Variants in PKN3 observed in about 807,000 individuals in gnomAD.
PKN3 encodes the protein serine/threonine-protein kinase N3.
PKN3 carries 91 observed loss-of-function variants against 113.1 expected under a neutral mutation model. That is an observed-to-expected ratio of 0.80 (90% CI 0.68 to 0.96). The LOEUF is 0.96. Ranked by LOEUF, PKN3 falls within the 40% of genes least tolerant of loss-of-function variation. PKN3 has a pLI of 0.00. For missense variants in PKN3, 1,052 were observed against 1,202.2 expected (o/e 0.88, Z 1.85); for synonymous variants, 467 against 499.0 (o/e 0.94, Z 0.85).
At chr9:128,717,720 T>TAAA (rs568178531) in intron 16 of PKN3, among the ~76,000 whole-genome samples, 35 of 99,312 alleles carry the variant, frequency 3.5e-4, no homozygotes, top group African/African-American at 1.3e-3. Flanking sequence ...AGACTCCATC[T>TAAA]AAAAAAAAAA....
At position 128,720,070 on chromosome 9, in the gene PKN3, G is replaced by A; in HGVS notation, c.2376+53G>A. 3 of 1,550,690 alleles carry A rather than the reference G, an allele frequency of 1.9e-6. No homozygotes were observed. The highest frequency in any genetic ancestry group is 2.7e-6 in the Non-Finnish European group (3 of 1,122,980). ...CTGGATGGCCGCTCAAGGCCCATGT[G>A]CCCTCTGCCGTGGGACAGCAGACCC... On this transcript the variant is annotated intron_variant, in intron 20 of 21. Transcript: ENST00000291906. The surrounding 1 kb of genome is among the most constrained non-coding windows in gnomAD (Gnocchi z 5.5).
At chr9:128,711,637 C>T (rs548067650) in intron 6 of PKN3, among the ~76,000 whole-genome samples, 202 of 146,258 alleles carry the variant, frequency 1.4e-3, no homozygotes, top group Admixed American at 2.8e-3. Context: ...CTTGCTTTGT[C>T]GCCCAGGCTG....
chr9:128,707,508 C>G (rs1439452408), intron 6 of PKN3, 103 bp downstream of exon 6: 1 of 944,714 alleles, frequency 1.1e-6, no homozygotes, highest in East Asian at 2.6e-5. Flanking sequence ...AGTCCTGCCC[C>G]AGCACCCACT....
intron 3 of PKN3, among the ~76,000 whole-genome samples, 186 bp from the exon 4 acceptor site, chr9:128,706,527 G>A (rs1862023750): frequency 6.6e-6 from 1 of 151,492 alleles, no homozygotes; most frequent in African/African-American, 2.4e-5. Context: ...AGCCCTTGTT[G>A]GTCAGATGGA....
In PKN3 at chr9:128,714,896, G is replaced by C. The variant is rs532824875; in HGVS notation, c.1652+31G>C. 52 of 1,594,798 alleles carry C rather than the reference G, an allele frequency of 3.3e-5. No homozygotes were observed. The Admixed American group carries it at 8.2e-4, about 25-fold the overall frequency. ...CCATCCTGCGCACCTTCATGTTTGA[G>C]ACGTTCGTCTGCTTGCTTGAACATT... On this transcript the variant is annotated intron_variant, in intron 13 of 21. Transcript: ENST00000291906.
chr9:128,720,880 A>G lies in PKN3; in HGVS notation c.*274A>G, dbSNP rs528140930. On this transcript the variant is annotated 3_prime_UTR_variant, in exon 22 of 22. Coordinates refer to ENST00000291906, the MANE Select transcript of PKN3 (RefSeq NM_013355.5). This position sits in a 1 kb window ranked among gnomAD's most constrained non-coding sequence, Gnocchi z 5.5. Reference sequence around the variant, plus strand: ...AAGGAGTGATATGGTTTGTCTTTTTAAGACTGGACTTGCTTTATATTAAAT... The same window carrying G: ...AAGGAGTGATATGGTTTGTCTTTTTGAGACTGGACTTGCTTTATATTAAAT... 129 of 574,780 alleles carry G rather than the reference A, an allele frequency of 2.2e-4. No individual in the cohort carries two copies. The highest frequency in any genetic ancestry group is 5.1e-4 in the Admixed American group (16 of 31,086). The allele number at this position is 574,780 out of a possible 1,614,324, so 35.6% of individuals were successfully genotyped here.
chr9:128,704,225 G>A lies in PKN3; in HGVS notation c.25-1078G>A, dbSNP rs79526391. ...GCACCGGTTGGTTTGAAATGCTGGC[G>A]GCTGGAAAGGAGGTGTTCCTGTTCC... is the stretch of plus-strand genomic sequence containing the variant. On this transcript the variant is annotated intron_variant, in intron 1 of 21. Transcript: ENST00000291906. 2.0e-4 allele frequency: 166 copies of A among 828,448 alleles called. 2 individuals are homozygous for A. In the East Asian group the frequency reaches 0.016, roughly 78 times the overall value. 51.3% of individuals were successfully genotyped at this position (828,448 alleles called of 1,614,324 possible).
chr9:128,704,925 A>G (rs1483763586), intron 1 of PKN3, among the ~76,000 whole-genome samples: 1 of 152,000 alleles, frequency 6.6e-6, no homozygotes, highest in Non-Finnish European at 1.5e-5. Flanking sequence ...TCAAAAAAAA[A>G]AAAAAGAAAA....
chr9:128,717,113 G>GTTTTTTTTTTTTTTTTTTTTTTTTTTT (rs1554781180), intron 16 of PKN3, among the ~76,000 whole-genome samples, 190 bp downstream of exon 16: 1 of 14,442 alleles, frequency 6.9e-5, no homozygotes, highest in African/African-American at 2.0e-4. Flanking sequence ...TGTGCATTAG[G>GTTTTTTTTTTTTTTTTTTTTTTTTTTT]TTTCTTTTTT....
intron 1 of PKN3, 66 bp from the exon 2 acceptor site, chr9:128,705,237 A>C (rs770828501): frequency 1.3e-6 from 2 of 1,538,348 alleles, no homozygotes; most frequent in Non-Finnish European, 1.7e-6. Context: ...GCAGTGAGCA[A>C]AGGCTGCTGG....
At chr9:128,705,584 A>T (rs1338534294) in intron 2 of PKN3, 41 bp downstream of exon 2, 1 of 1,548,634 alleles carries the variant, frequency 6.5e-7, no homozygotes. Flanking sequence ...AGAAGGCTCT[A>T]GGCCCATCTG....
rs1454707636 is a variant in PKN3, at chr9:128,702,794, C to G, written c.-122C>G. 12 of 742,074 alleles carry G rather than the reference C, an allele frequency of 1.6e-5. No homozygotes were observed. Among genetic ancestry groups the G allele is most frequent in the African/African-American group, 1.5e-4 (8 of 53,900 alleles). The allele number at this position is 742,074 out of a possible 1,614,324, so 46.0% of individuals were successfully genotyped here. On this transcript the variant is annotated 5_prime_UTR_variant, in exon 1 of 22. Coordinates refer to ENST00000291906, the MANE Select transcript of PKN3 (RefSeq NM_013355.5). ...CCAGCGGGTCTCGGGAGGGGGCGCC[C>G]GATCCCGCGTCTCCGGCGCCGCTTC...
At position 128,715,518 on chromosome 9, in the gene PKN3, G is replaced by A; in HGVS notation, c.1808+58G>A. 2 of 1,374,536 alleles carry A rather than the reference G, an allele frequency of 1.5e-6. No individual in the cohort carries two copies. 85.1% of individuals were successfully genotyped at this position (1,374,536 alleles called of 1,614,324 possible). ...GCTGGCCTGGGCTGTGGCATCCAGAGGGCAGTTGAAGGTTCCTGGGGCTTT... is the reference window on the plus strand; with the variant it reads ...GCTGGCCTGGGCTGTGGCATCCAGAAGGCAGTTGAAGGTTCCTGGGGCTTT... On this transcript the variant is annotated intron_variant, in intron 15 of 21. Coordinates refer to ENST00000291906, the MANE Select transcript of PKN3 (RefSeq NM_013355.5). This position sits in a 1 kb window ranked among gnomAD's most constrained non-coding sequence, Gnocchi z 4.1.
At chr9:128,703,370 G>A in intron 1 of PKN3, 1 of 985,366 alleles carries the variant, frequency 1.0e-6, no homozygotes, top group Non-Finnish European at 1.2e-6. Flanking sequence ...GTCTGTGCGC[G>A]CTTGGCAGTG....
At position 128,702,900 on chromosome 9, in the gene PKN3, C is replaced by G; in HGVS notation, c.-16C>G. On this transcript the variant is annotated 5_prime_UTR_variant, in exon 1 of 22. Transcript: ENST00000291906. ...GAGTGGCTGAGAGAAGGGCCCCAAG[C>G]GGCCGGAGCGGCGCCATGGAGGAGG... The G allele has an allele frequency of 6.7e-7, 1 of 1,483,222 alleles. No homozygotes were observed. The highest frequency in any genetic ancestry group is 8.9e-7 in the Non-Finnish European group (1 of 1,118,310). 91.9% of individuals were successfully genotyped at this position (1,483,222 alleles called of 1,614,324 possible).
intron 16 of PKN3, among the ~76,000 whole-genome samples, chr9:128,717,190 A>G (rs1295522496): frequency 1.6e-5 from 2 of 122,714 alleles, no homozygotes; most frequent in Non-Finnish European, 3.2e-5. Context: ...GTGCAATGGC[A>G]TGATCTCGGC....
chr9:128,720,335 T>C lies in PKN3; in HGVS notation c.2457+52T>C, dbSNP rs1436278838. 4 of 1,610,822 alleles carry C rather than the reference T, an allele frequency of 2.5e-6. No homozygotes were observed. Among genetic ancestry groups the C allele is most frequent in the Non-Finnish European group, 3.4e-6 (4 of 1,177,816 alleles). ...CCTGTGCCTGGCAGGGTAGGTGGCA[T>C]GGAGTGACTCCTGGAGCTGCTGTTC... On this transcript the variant is annotated intron_variant, in intron 21 of 21. Coordinates refer to ENST00000291906, the MANE Select transcript of PKN3 (RefSeq NM_013355.5). The surrounding 1 kb of genome is among the most constrained non-coding windows in gnomAD (Gnocchi z 5.5).
rs1861889764 is a variant in PKN3 at position 128,702,716 on chromosome 9, GGGGTCCCGGGCGCTGGATCGGCGCGGAC to G, written c.-196_-169del. On this transcript the variant is annotated 5_prime_UTR_variant, in exon 1 of 22. It removes the in-frame stop codon of an upstream open reading frame in the 5' UTR. Transcript: ENST00000291906. Reference sequence around the variant, plus strand: ...CGCTGGGGCGCGGGACCTCGGGCGTGGGGTCCCGGGCGCTGGATCGGCGCGGACGGGAGGCGGCGCTGGTCCCGCGGGC... The same window carrying G: ...CGCTGGGGCGCGGGACCTCGGGCGTGGGGAGGCGGCGCTGGTCCCGCGGGC... 1 of 485,562 alleles carries G rather than the reference GGGGTCCCGGGCGCTGGATCGGCGCGGAC, an allele frequency of 2.1e-6. No homozygotes were observed. Among genetic ancestry groups the G allele is most frequent in the African/African-American group, 2.1e-5 (1 of 48,490 alleles). 30.1% of individuals were successfully genotyped at this position (485,562 alleles called of 1,614,324 possible).
In PKN3 at chr9:128,718,610, G is replaced by A. The variant is rs1862415376; in HGVS notation, c.2110G>A (p.Gly704Arg). 2 of 1,613,938 alleles carry A rather than the reference G, an allele frequency of 1.2e-6. No individual in the cohort carries two copies. Among genetic ancestry groups the A allele is most frequent in the Admixed American group, 3.3e-5 (2 of 59,992 alleles). ...AQGFLKIADF[G>R]LCKEGIGFGD... ...GGGATTCCTGAAGATCGCAGACTTT[G>A]GACTCTGCAAGGAAGGTGGGGGCCG... Residue 704 changes from glycine (G) to arginine (R), a missense_variant, in exon 18 of 22, where the codon GGA becomes AGA. Gly to Arg is a moderately radical substitution (Grantham distance 125). Coordinates refer to ENST00000291906, the MANE Select transcript of PKN3 (RefSeq NM_013355.5).
Sources: gnomAD v4.1 joint callset for allele counts (sites outside exome capture counted in the v4.1 genomes callset) on GRCh38, gnomAD v4.1.1 for gene constraint, Gnocchi (gnomAD v3.1) non-coding constraint, MANE v1.5 for transcripts, NCBI Gene and HGNC (gene_info 2026-07-23, HGNC 2026-07-21) for gene names.